The following NIPBL variants were observed in gnomAD, a reference collection of about 807,000 sequenced individuals.
The protein encoded by NIPBL is NIPBL cohesin loading factor, also known as nipped-B-like protein.
Under a neutral mutation model 321.8 loss-of-function variants are expected in NIPBL, and 19 were observed. The ratio of observed to expected loss-of-function variants is 0.06; its 90% CI spans 0.04 to 0.09. The LOEUF (loss-of-function observed/expected upper bound fraction) is 0.09, where lower values mean the gene tolerates loss of function less well. Ranked by LOEUF, NIPBL falls within the 10% of genes least tolerant of loss-of-function variation. The probability of loss-of-function intolerance (pLI) is 1.00; values close to 1 mark genes in which losing one functional copy is unlikely to be tolerated. For missense variants in NIPBL, 2,210 were observed against 3,327.0 expected, an observed-to-expected ratio of 0.66 and a Z score of 8.26; for synonymous variants, 1,106 against 1,114.1, an observed-to-expected ratio of 0.99 and a Z score of 0.14.
chr5:36,985,552 C>T lies in NIPBL; in HGVS notation c.2372C>T (p.Pro791Leu), dbSNP rs760476489. 11 of 1,613,718 alleles carry T rather than the reference C, an allele frequency of 6.8e-6. No homozygotes were observed. The South Asian group carries it at 1.2e-4, about 18-fold the overall frequency. Reference protein sequence around the residue: ...KHKQDTKSDSPRLKSERAEAL... With the variant: ...KHKQDTKSDSLRLKSERAEAL... ...AAACAAGATACTAAATCTGACTCACCTCGGTTAAAATCAGAACGAGCTGAA... is the reference window on the plus strand; with the variant it reads ...AAACAAGATACTAAATCTGACTCACTTCGGTTAAAATCAGAACGAGCTGAA... Residue 791 changes from proline to leucine, a missense_variant, in exon 10 of 47, where the codon CCT (proline) becomes CTT (leucine). Pro to Leu is a moderately conservative substitution (Grantham distance 98). This residue lies in a region of NIPBL where 588 missense variants were observed against 564.1 expected (regional missense o/e 1.04). Transcript: ENST00000282516.
intron 6 of NIPBL, among the ~76,000 whole-genome samples, chr5:36,966,741 A>G (rs1046100430): frequency 6.6e-6 from 1 of 152,116 alleles, no homozygotes; most frequent in Non-Finnish European, 1.5e-5. Flanking sequence ...GCATATAAGA[A>G]TGGATTGTTT....
intron 32 of NIPBL, among the ~76,000 whole-genome samples, chr5:37,034,964 G>A (rs1010478368): frequency 1.3e-5 from 2 of 152,306 alleles, no homozygotes; most frequent in East Asian, 3.9e-4. Flanking sequence ...AAGGATGAGA[G>A]AGGATAGTTT....
At position 36,975,941 on chromosome 5, in the gene NIPBL, A is replaced by G; in HGVS notation, c.1034A>G (p.Tyr345Cys). Residue 345 changes from tyrosine to cysteine, a missense_variant, in exon 9 of 47, where the codon TAT becomes TGT. Physicochemically the swap from Tyr to Cys is radical, Grantham distance 194. Coordinates refer to ENST00000282516, the MANE Select transcript of NIPBL (RefSeq NM_133433.4). ...GAGCAGAGTGAGAAAGCGGCAATGT[A>G]TGATATAATTAGTTCTCCATCCAAG... Reference protein sequence around the residue: ...EKEQSEKAAMYDIISSPSKDS... With the variant: ...EKEQSEKAAMCDIISSPSKDS... 6.2e-7 allele frequency: 1 copy of G among 1,613,982 alleles called. No homozygotes were observed. The highest frequency in any genetic ancestry group is 1.1e-5 in the South Asian group (1 of 91,054).
At chr5:36,953,936 A>C (rs1580319741) in intron 2 of NIPBL, among the ~76,000 whole-genome samples, 176 bp downstream of exon 2, 1 of 152,138 alleles carries the variant, frequency 6.6e-6, no homozygotes, top group Admixed American at 6.5e-5. Context: ...CTTCTTAGTG[A>C]TGTTTATTTT....
intron 6 of NIPBL, among the ~76,000 whole-genome samples, chr5:36,966,567 G>T (rs1465055517): frequency 6.6e-6 from 1 of 152,004 alleles, no homozygotes; most frequent in Admixed American, 6.6e-5. Flanking sequence ...TAAATAATCT[G>T]TGGGATGATA....
At chr5:37,026,385 A>G in intron 31 of NIPBL, 58 bp downstream of exon 31, 2 of 923,588 alleles carry the variant, frequency 2.2e-6, no homozygotes, top group Non-Finnish European at 3.6e-6. Context: ...ATTGAGGCCT[A>G]CATGTCTTAT....
At chr5:36,924,420 G>C (rs1029738988) in intron 1 of NIPBL, among the ~76,000 whole-genome samples, 1 of 152,098 alleles carries the variant, frequency 6.6e-6, no homozygotes, top group African/African-American at 2.4e-5. Context: ...CATAGGCCTG[G>C]AGTAAGATTT....
At chr5:37,014,867 T>A (rs1434794010) in intron 22 of NIPBL, 102 bp downstream of exon 22, 1 of 742,306 alleles carries the variant, frequency 1.3e-6, no homozygotes, top group Non-Finnish European at 2.4e-6. Context: ...AATCTGAACC[T>A]TGAATACATC....
intron 1 of NIPBL, among the ~76,000 whole-genome samples, chr5:36,881,279 T>C (rs1745481698): frequency 6.6e-6 from 1 of 150,634 alleles, no homozygotes; most frequent in African/African-American, 2.4e-5. Context: ...TAATTTTAGG[T>C]ATTTGTCTTG....
chr5:37,003,499 A>C, intron 16 of NIPBL, 152 bp downstream of exon 16: 1 of 568,684 alleles, frequency 1.8e-6, no homozygotes, highest in Non-Finnish European at 3.2e-6. Flanking sequence ...ATTACAGTCT[A>C]TTGTTCTGTT....
At chr5:36,913,403 T>TTC (rs1554060099) in intron 1 of NIPBL, among the ~76,000 whole-genome samples, 4 of 148,048 alleles carry the variant, frequency 2.7e-5, no homozygotes, top group Admixed American at 1.3e-4. Flanking sequence ...TTTTTTTTTT[T>TTC]AAAAAGACAG....
chr5:36,988,098 A>G (rs1258432536), intron 10 of NIPBL, among the ~76,000 whole-genome samples: 2 of 152,172 alleles, frequency 1.3e-5, no homozygotes, highest in African/African-American at 4.8e-5. Context: ...TGTTCTAACA[A>G]AGAGTCTTTT....
chr5:37,014,073 C>T lies in NIPBL; in HGVS notation c.4561-610C>T, dbSNP rs546982116. 1.1e-4 allele frequency among the ~76,000 whole-genome samples: 16 copies of T among 151,654 alleles called. No homozygotes were observed. In the East Asian group the frequency reaches 2.3e-3, roughly 22 times the overall value. Reference sequence around the variant, plus strand: ...AAATACGAAAACCAGTCAGGCGTGGCGGTGCGCTCCTGCAATCGCAGCTCT... The same window carrying T: ...AAATACGAAAACCAGTCAGGCGTGGTGGTGCGCTCCTGCAATCGCAGCTCT... On this transcript the variant is annotated intron_variant, in intron 21 of 46. Transcript: ENST00000282516.
intron 8 of NIPBL, 73 bp from the exon 9 acceptor site, chr5:36,975,703 T>TTAA (rs1259724384): frequency 7.3e-7 from 1 of 1,365,764 alleles, no homozygotes; most frequent in Non-Finnish European, 1.0e-6. Context: ...TTGTCACTTA[T>TTAA]TAATATTTCT....
Position 36,961,444 on chromosome 5 carries a change from T to C in NIPBL, c.359-40T>C, listed in dbSNP as rs760202952. On this transcript the variant is annotated intron_variant, in intron 4 of 46. Coordinates refer to ENST00000282516, the MANE Select transcript of NIPBL (RefSeq NM_133433.4). ...AGTTATTTAAAGGACACTTTACTGT[T>C]AGAAGAAAATAACGTTCTGTATTTT... is the stretch of plus-strand genomic sequence containing the variant. The C allele has an allele frequency of 2.6e-6, 3 of 1,142,936 alleles. No individual in the cohort carries two copies. The South Asian group carries it at 3.7e-5, about 14-fold the overall frequency. 70.8% of individuals were successfully genotyped at this position (1,142,936 alleles called of 1,614,324 possible).
intron 34 of NIPBL, among the ~76,000 whole-genome samples, chr5:37,040,627 T>G (rs1000751011): frequency 6.6e-5 from 10 of 152,218 alleles, no homozygotes; most frequent in Non-Finnish European, 1.3e-4. Context: ...CATATTTCCT[T>G]TGGATCACCA....
In NIPBL at chr5:36,971,959, A is replaced by C; in HGVS notation, c.786A>C (p.Ser262=). The change falls in exon 8 of 47, where the codon TCA becomes TCC. Residue 262 remains serine (S), a synonymous_variant. Transcript: ENST00000282516. The part of the protein sequence containing the change: ...HRLSSDDGDS[S]TMRNAASFPL... ...TCTATTTTTAGGATGGAGATTCTTC[A>C]ACAATGAGGAATGCTGCATCTTTTC... 1.9e-6 allele frequency: 3 copies of C among 1,613,176 alleles called. No homozygotes were observed. The highest frequency in any genetic ancestry group is 2.5e-6 in the Non-Finnish European group (3 of 1,179,294).
chr5:36,953,883 T>G (rs1740663190), intron 2 of NIPBL, 123 bp downstream of exon 2: 2 of 834,354 alleles, frequency 2.4e-6, no homozygotes, highest in African/African-American at 3.5e-5. Context: ...CAACTGAAAC[T>G]GCCCTTTAAA....
intron 1 of NIPBL, among the ~76,000 whole-genome samples, chr5:36,946,404 C>T (rs1006324087): frequency 6.6e-6 from 1 of 151,980 alleles, no homozygotes; most frequent in African/African-American, 2.4e-5. Context: ...CAGATATTTT[C>T]CTCCCTTAAA....
Sources: gnomAD v4.1 joint callset for allele counts (sites outside exome capture counted in the v4.1 genomes callset) on GRCh38, gnomAD v4.1.1 for gene constraint, gnomAD v4.1.1 regional missense constraint, MANE v1.5 for transcripts, NCBI Gene and HGNC (gene_info 2026-07-23, HGNC 2026-07-21) for gene names.